Variants in RBAK observed in about 807,000 individuals in gnomAD.
RBAK encodes RB associated KRAB zinc finger, also known as RB-associated KRAB zinc finger protein.
In RBAK, 39 loss-of-function variants were observed where a neutral mutation model predicts 65.8. The ratio of observed to expected loss-of-function variants is 0.59; its 90% CI spans 0.46 to 0.77. RBAK has a LOEUF of 0.77. Among genes scored for constraint, RBAK ranks in the 30% least tolerant of loss-of-function variants. The pLI is 0.00. For missense variants in RBAK, 884 were observed against 855.1 expected (o/e 1.03, Z -0.42); for synonymous variants, 343 against 289.7 (o/e 1.18, Z -1.87).
intron 4 of RBAK, among the ~76,000 whole-genome samples, chr7:5,062,825 C>G (rs145020793): frequency 3.5e-3 from 527 of 152,308 alleles, no homozygotes; most frequent in African/African-American, 0.012. Context: ...CAATATATCT[C>G]CCATTTGCTT....
chr7:5,065,063 A>G lies in RBAK; in HGVS notation c.1607A>G (p.Glu536Gly), dbSNP rs903213369. The change falls in exon 5 of 5, where the codon GAG becomes GGG. Residue 536 changes from glutamate (E) to glycine (G), a missense_variant. Physicochemically the swap from Glu to Gly is moderately conservative, Grantham distance 98 (BLOSUM62 -2). Transcript: ENST00000396912. The surrounding 1 kb of genome is among the most constrained non-coding windows in gnomAD (Gnocchi z 5.3). ...FDGHQPLPKG[E>G]KSYECNVCGK... Reference sequence around the variant, plus strand: ...GGGCACCAGCCACTTCCAAAAGGGGAGAAATCCTATGAATGTAATGTATGT... The same window carrying G: ...GGGCACCAGCCACTTCCAAAAGGGGGGAAATCCTATGAATGTAATGTATGT... 7 of 1,613,860 alleles carry G rather than the reference A, an allele frequency of 4.3e-6. No individual in the cohort carries two copies. Among genetic ancestry groups the G allele is most frequent in the Non-Finnish European group, 5.9e-6 (7 of 1,179,968 alleles).
intron 4 of RBAK, among the ~76,000 whole-genome samples, chr7:5,062,695 T>C (rs1054570282): frequency 3.9e-5 from 6 of 152,190 alleles, no homozygotes; most frequent in Admixed American, 1.3e-4. Flanking sequence ...CTGGGATTTA[T>C]TTCATCCTTA....
At chr7:5,054,152 A>G (rs191426345) in intron 2 of RBAK, among the ~76,000 whole-genome samples, 35 of 152,264 alleles carry the variant, frequency 2.3e-4, no homozygotes, top group Non-Finnish European at 4.4e-5. Context: ...CATACCTGTA[A>G]TCACAGCACT....
In RBAK at chr7:5,067,993, C is replaced by T. The variant is rs530044177; in HGVS notation, c.*2392C>T. ...GGAGTAAGCAAAGGTTTATTGAGAC[C>T]CAAAAAGCATTAACCCATAAAATTA... On this transcript the variant is annotated 3_prime_UTR_variant, in exon 5 of 5. Transcript: ENST00000396912. 6.6e-6 allele frequency: 1 copy of T among 152,006 alleles called. No homozygotes were observed. The highest frequency in any genetic ancestry group is 2.1e-4 in the South Asian group (1 of 4,812). 9.4% of individuals were successfully genotyped at this position (152,006 alleles called of 1,614,324 possible).
chr7:5,062,345 G>A (rs889082731), intron 4 of RBAK, among the ~76,000 whole-genome samples: 1 of 152,134 alleles, frequency 6.6e-6, no homozygotes, highest in African/African-American at 2.4e-5. Flanking sequence ...GCGTCCGGGG[G>A]AGACATCACA....
At chr7:5,047,810 A>C (rs62444315) in intron 1 of RBAK, among the ~76,000 whole-genome samples, 10 of 151,610 alleles carry the variant, frequency 6.6e-5, no homozygotes, top group African/African-American at 2.4e-4. Context: ...GTTTCGCCAT[A>C]TTGGCCAAGG....
In RBAK at chr7:5,065,708, G is replaced by A; in HGVS notation, c.*107G>A. 3.9e-6 allele frequency: 3 copies of A among 762,898 alleles called. No homozygotes were observed. Among genetic ancestry groups the A allele is most frequent in the Non-Finnish European group, 5.7e-6 (3 of 523,966 alleles). 47.3% of individuals were successfully genotyped at this position (762,898 alleles called of 1,614,324 possible). ...AGTTCGTGTTCCTGAACGGTGAGAAGCATTTAGGCATTAGAGTCATTTTAA... is the reference window on the plus strand; with the variant it reads ...AGTTCGTGTTCCTGAACGGTGAGAAACATTTAGGCATTAGAGTCATTTTAA... On this transcript the variant is annotated 3_prime_UTR_variant, in exon 5 of 5. Transcript: ENST00000396912. This position sits in a 1 kb window ranked among gnomAD's most constrained non-coding sequence, Gnocchi z 5.3.
chr7:5,054,715 G>C (rs952770816), intron 2 of RBAK, among the ~76,000 whole-genome samples: 4 of 152,250 alleles, frequency 2.6e-5, no homozygotes, highest in Admixed American at 2.6e-4. Context: ...TTACAGGCAT[G>C]AGCCACTGCA....
At chr7:5,051,554 ATTTCC>A (rs1237575818) in intron 2 of RBAK, among the ~76,000 whole-genome samples, 2 of 152,096 alleles carry the variant, frequency 1.3e-5, no homozygotes, top group Non-Finnish European at 2.9e-5. Flanking sequence ...TTTCCCAATA[ATTTCC>A]TTTATAGCAA....
Position 5,064,356 on chromosome 7 carries a change from A to G in RBAK, c.900A>G (p.Gln300=), listed in dbSNP as rs1779161086. 1 of 1,613,976 alleles carries G rather than the reference A, an allele frequency of 6.2e-7. No individual in the cohort carries two copies. Among genetic ancestry groups the G allele is most frequent in the East Asian group, 2.2e-5 (1 of 44,864 alleles). Residue 300 remains glutamine (Q), a synonymous_variant, in exon 5 of 5, where the codon CAA becomes CAG. Coordinates refer to ENST00000396912, the MANE Select transcript of RBAK (RefSeq NM_021163.4). This position sits in a 1 kb window ranked among gnomAD's most constrained non-coding sequence, Gnocchi z 6.3. ...ECNVCGKSFS[Q]KGTLTVHRRS... ...ATGTATGTGGGAAATCCTTCAGCCA[A>G]AAGGGAACCCTCACTGTACATCGGA...
chr7:5,050,363 T>C (rs932395768), intron 2 of RBAK, among the ~76,000 whole-genome samples: 6 of 152,216 alleles, frequency 3.9e-5, no homozygotes, highest in Non-Finnish European at 7.3e-5. Flanking sequence ...GGTAGTTTGA[T>C]CTGGAAGTCT....
chr7:5,065,701 G>T lies in RBAK; in HGVS notation c.*100G>T. ...ATCTGAGAGTTCGTGTTCCTGAACG[G>T]TGAGAAGCATTTAGGCATTAGAGTC... On this transcript the variant is annotated 3_prime_UTR_variant, in exon 5 of 5. Transcript: ENST00000396912. This position sits in a 1 kb window ranked among gnomAD's most constrained non-coding sequence, Gnocchi z 5.3. 1 of 870,930 alleles carries T rather than the reference G, an allele frequency of 1.1e-6. No individual in the cohort carries two copies. The highest frequency in any genetic ancestry group is 1.6e-6 in the Non-Finnish European group (1 of 613,712). 54.0% of individuals were successfully genotyped at this position (870,930 alleles called of 1,614,324 possible).
chr7:5,065,577 C>G lies in RBAK; in HGVS notation c.2121C>G (p.Asn707Lys). The change falls in exon 5 of 5, where the codon AAC (asparagine) becomes AAG (lysine). Residue 707 changes from asparagine (N) to lysine (K), a missense_variant. Physicochemically the swap from Asn to Lys is moderately conservative, Grantham distance 94 (BLOSUM62 0). Transcript: ENST00000396912. This position sits in a 1 kb window ranked among gnomAD's most constrained non-coding sequence, Gnocchi z 5.3. ...HQRIHRRGNM[N>K]VLDVENL Reference sequence around the variant, plus strand: ...GAATTCATAGAAGAGGAAATATGAACGTACTTGATGTGGAAAATCTCTGAA... The same window carrying G: ...GAATTCATAGAAGAGGAAATATGAAGGTACTTGATGTGGAAAATCTCTGAA... 6.5e-7 allele frequency: 1 copy of G among 1,533,410 alleles called. No homozygotes were observed. The highest frequency in any genetic ancestry group is 8.7e-7 in the Non-Finnish European group (1 of 1,143,364). The allele number at this position is 1,533,410 out of a possible 1,614,324, so 95.0% of individuals were successfully genotyped here.
intron 2 of RBAK, among the ~76,000 whole-genome samples, chr7:5,051,481 A>G (rs1208780741): frequency 1.3e-5 from 2 of 152,208 alleles, no homozygotes; most frequent in African/African-American, 2.4e-5. Flanking sequence ...AATTGAATTC[A>G]GGAAATTTAT....
At chr7:5,058,958 C>T (rs1227041518) in intron 4 of RBAK, among the ~76,000 whole-genome samples, 2 of 152,188 alleles carry the variant, frequency 1.3e-5, no homozygotes, top group Non-Finnish European at 1.5e-5. Context: ...GAATATTTTA[C>T]TTGACAACAT....
At chr7:5,063,598 A>C in intron 4 of RBAK, 97 bp from the exon 5 acceptor site, 3 of 955,910 alleles carry the variant, frequency 3.1e-6, no homozygotes, top group Non-Finnish European at 4.5e-6. Context: ...CTCTAAAGCC[A>C]GAGTCAACCC....
chr7:5,048,544 C>G lies in RBAK; in HGVS notation c.15+453C>G, dbSNP rs1788045841. Reference sequence around the variant, plus strand: ...GTAAAATATAGTTAGTGTGGCAGATCAGCACCAAAAATGATTTGTGAAGCT... The same window carrying G: ...GTAAAATATAGTTAGTGTGGCAGATGAGCACCAAAAATGATTTGTGAAGCT... On this transcript the variant is annotated intron_variant, in intron 2 of 4. Coordinates refer to ENST00000396912, the MANE Select transcript of RBAK (RefSeq NM_021163.4). This position sits in a 1 kb window ranked among gnomAD's most constrained non-coding sequence, Gnocchi z 4.4. Among the ~76,000 whole-genome samples, 1 of 152,154 alleles carries G rather than the reference C, an allele frequency of 6.6e-6. No individual in the cohort carries two copies. The highest frequency in any genetic ancestry group is 1.5e-5 in the Non-Finnish European group (1 of 68,034).
At chr7:5,055,246 ATGTGTGTGTGTG>A (rs71535173) in intron 2 of RBAK, among the ~76,000 whole-genome samples, 5 of 146,914 alleles carry the variant, frequency 3.4e-5, no homozygotes, top group African/African-American at 1.0e-4. Flanking sequence ...TGAGGCATAA[ATGTGTGTGTGTG>A]TGTGTGTGTG....
chr7:5,051,302 C>T (rs1034779240), intron 2 of RBAK, among the ~76,000 whole-genome samples: 4 of 152,110 alleles, frequency 2.6e-5, no homozygotes, highest in Admixed American at 2.6e-4. Context: ...CATTTTCCCA[C>T]ATTAATCATT....
Sources: gnomAD v4.1 joint callset for allele counts (sites outside exome capture counted in the v4.1 genomes callset) on GRCh38, gnomAD v4.1.1 for gene constraint, Gnocchi (gnomAD v3.1) non-coding constraint, MANE v1.5 for transcripts, NCBI Gene and HGNC (gene_info 2026-07-23, HGNC 2026-07-21) for gene names.